Variants in CACNB4 observed in about 807,000 individuals in gnomAD.
The protein encoded by CACNB4 is calcium voltage-gated channel auxiliary subunit beta 4, also known as voltage-dependent L-type calcium channel subunit beta-4.
A neutral mutation model predicts 71.2 loss-of-function variants in CACNB4; 32 were observed. The observed-to-expected ratio is 0.45, with a 90% CI of 0.34 to 0.60. CACNB4 has a LOEUF of 0.60. Ranked by LOEUF, CACNB4 falls within the 20% of genes least tolerant of loss-of-function variation. The pLI, the probability that CACNB4 is intolerant of heterozygous loss-of-function variation, is 0.01. For missense variants in CACNB4, 464 were observed against 647.9 expected (o/e 0.72, Z 3.08); for synonymous variants, 231 against 236.9 (o/e 0.97, Z 0.23).
At chr2:152,054,835 CTTT>C (rs912555783) in intron 2 of CACNB4, among the ~76,000 whole-genome samples, 9 of 152,004 alleles carry the variant, frequency 5.9e-5, no homozygotes, top group Admixed American at 4.6e-4. Flanking sequence ...ATACGGAGCA[CTTT>C]TTTTTATGTG....
At chr2:152,026,133 TA>T (rs1683955931) in intron 2 of CACNB4, among the ~76,000 whole-genome samples, 2 of 152,120 alleles carry the variant, frequency 1.3e-5, no homozygotes, top group South Asian at 4.1e-4. Context: ...TCTCCCCTCT[TA>T]CCTGCAGTGG....
At position 151,841,923 on chromosome 2, in the gene CACNB4, T is replaced by C. The variant is rs774755797; in HGVS notation, c.1282A>G (p.Thr428Ala). Reference protein sequence around the residue: ...LGSTALSPYPTAISGLQSQRM... With the variant: ...LGSTALSPYPAAISGLQSQRM... ...AATACCTGTAACCCAGAAATTGCTGTGGGATATGGTGAGAGTGCCGTGGAG... is the reference window on the plus strand; with the variant it reads ...AATACCTGTAACCCAGAAATTGCTGCGGGATATGGTGAGAGTGCCGTGGAG... Residue 428 changes from threonine (T) to alanine (A), a missense_variant, in exon 13 of 14, where the codon ACA becomes GCA. Thr to Ala is a moderately conservative substitution (Grantham distance 58). Coordinates refer to ENST00000539935, the MANE Select transcript of CACNB4 (RefSeq NM_000726.5). 1.9e-6 allele frequency: 3 copies of C among 1,613,690 alleles called. No individual in the cohort carries two copies. In the Admixed American group the frequency reaches 5.0e-5, roughly 27 times the overall value.
At chr2:152,052,098 T>C (rs1056850325) in intron 2 of CACNB4, among the ~76,000 whole-genome samples, 4 of 138,440 alleles carry the variant, frequency 2.9e-5, no homozygotes, top group African/African-American at 1.4e-4. Context: ...GAAAATACCA[T>C]AAATTGAAAT....
At chr2:151,950,580 TCAG>T (rs1238700251) in intron 2 of CACNB4, among the ~76,000 whole-genome samples, 1 of 152,218 alleles carries the variant, frequency 6.6e-6, no homozygotes, top group Non-Finnish European at 1.5e-5. Context: ...TAGATGCTCA[TCAG>T]CAGATGAATG....
Position 152,098,483 on chromosome 2 carries a change from C to G in CACNB4, c.64-70G>C, listed in dbSNP as rs771099649. 3 of 1,451,896 alleles carry G rather than the reference C, an allele frequency of 2.1e-6. No individual in the cohort carries two copies. Among genetic ancestry groups the G allele is most frequent in the Non-Finnish European group, 2.9e-6 (3 of 1,033,944 alleles). 89.9% of individuals were successfully genotyped at this position (1,451,896 alleles called of 1,614,324 possible). A position where few individuals can be genotyped will look rare whatever the true frequency, so the allele number is the denominator to read the frequency against. On this transcript the variant is annotated intron_variant, in intron 1 of 13. Coordinates refer to ENST00000539935, the MANE Select transcript of CACNB4 (RefSeq NM_000726.5). This position sits in a 1 kb window ranked among gnomAD's most constrained non-coding sequence, Gnocchi z 5.3. ...CAGCGCAGAGCGGGGCGACCACCCC[C>G]GGCTGGAGTCCGCCTCCGGACCCGC...
At chr2:151,965,351 T>A (rs978847808) in intron 2 of CACNB4, among the ~76,000 whole-genome samples, 1 of 152,188 alleles carries the variant, frequency 6.6e-6, no homozygotes, top group Non-Finnish European at 1.5e-5. Flanking sequence ...CACTTTATCA[T>A]AGAGGGAACT....
intron 2 of CACNB4, among the ~76,000 whole-genome samples, chr2:151,966,517 G>A (rs1335474751): frequency 1.3e-5 from 2 of 152,014 alleles, no homozygotes; most frequent in South Asian, 2.1e-4. Flanking sequence ...CTGACCTCAC[G>A]ATCCACCCAC....
chr2:152,063,193 T>G (rs1579226044), intron 2 of CACNB4, among the ~76,000 whole-genome samples: 1 of 152,166 alleles, frequency 6.6e-6, no homozygotes, highest in Admixed American at 6.5e-5. Context: ...ACAGTGTAAA[T>G]TTAGTTATTC....
At chr2:151,944,448 T>C (rs1037382841) in intron 2 of CACNB4, among the ~76,000 whole-genome samples, 2 of 152,110 alleles carry the variant, frequency 1.3e-5, no homozygotes, top group African/African-American at 4.8e-5. Context: ...GGGTCTGATC[T>C]GGAAGAAAAA....
At chr2:152,004,385 T>C (rs746022568) in intron 2 of CACNB4, among the ~76,000 whole-genome samples, 5 of 152,128 alleles carry the variant, frequency 3.3e-5, no homozygotes, top group Admixed American at 2.0e-4. Flanking sequence ...TGCAACTTAA[T>C]TTAGCATATA....
chr2:151,981,788 TATAG>T (rs1429180688), intron 2 of CACNB4, among the ~76,000 whole-genome samples: 2 of 152,250 alleles, frequency 1.3e-5, no homozygotes, highest in East Asian at 3.9e-4. Context: ...GCTGGTATAA[TATAG>T]ATAATCTTCA....
chr2:151,925,696 G>T lies in CACNB4; in HGVS notation c.148-42326C>A, dbSNP rs1004453530. 2.0e-5 allele frequency among the ~76,000 whole-genome samples: 3 copies of T among 151,762 alleles called. 1 individual carries two copies. The South Asian group carries it at 6.3e-4, about 32-fold the overall frequency. On this transcript the variant is annotated intron_variant, in intron 2 of 13. Coordinates refer to ENST00000539935, the MANE Select transcript of CACNB4 (RefSeq NM_000726.5). ...AGGGATAGAAAAGAGGAGCAGGGAG[G>T]GGGTGGGGAGGGTGGGGAGGCTAGG... is the stretch of plus-strand genomic sequence containing the variant.
chr2:152,030,644 G>A (rs996157554), intron 2 of CACNB4, among the ~76,000 whole-genome samples: 2 of 152,076 alleles, frequency 1.3e-5, no homozygotes, highest in Non-Finnish European at 2.9e-5. Context: ...TCCCCTTCCT[G>A]TGTCCAAGTG....
intron 2 of CACNB4, among the ~76,000 whole-genome samples, chr2:152,063,673 A>G (rs1360262605): frequency 6.6e-6 from 1 of 152,210 alleles, no homozygotes; most frequent in South Asian, 2.1e-4. Context: ...GACCAAAGCA[A>G]ACAACTTAAA....
chr2:152,094,224 A>AC, intron 2 of CACNB4, among the ~76,000 whole-genome samples: 1 of 152,262 alleles, frequency 6.6e-6, no homozygotes. Context: ...TGAAGACTAA[A>AC]CCCCCAGATC....
In CACNB4 at chr2:151,853,479, A is replaced by G; in HGVS notation, c.1085T>C (p.Val362Ala). The G allele has an allele frequency of 1.3e-6, 2 of 1,599,010 alleles. No individual in the cohort carries two copies. Among genetic ancestry groups the G allele is most frequent in the Non-Finnish European group, 1.7e-6 (2 of 1,173,194 alleles). Residue 362 changes from valine (V) to alanine (A), a missense_variant, in exon 12 of 14, where the codon GTG becomes GCG. By Grantham distance (64) the Val-to-Ala change is moderately conservative. This residue lies in a region of CACNB4 where 299 missense variants were observed against 471.7 expected (regional missense o/e 0.63). Coordinates refer to ENST00000539935, the MANE Select transcript of CACNB4 (RefSeq NM_000726.5). ...SQSKHLNVQL[V>A]AADKLAQCPP... ...GCATTGTGCAAGTTTATCAGCTGCC[A>G]CCAGTTGAACATTCAAGTGTTTACT...
chr2:151,893,180 A>G (rs1368072002), intron 2 of CACNB4, among the ~76,000 whole-genome samples: 1 of 152,128 alleles, frequency 6.6e-6, no homozygotes, highest in African/African-American at 2.4e-5. Flanking sequence ...GAAAAGAATG[A>G]TTATCCAGTT....
At chr2:152,053,522 A>T (rs888182428) in intron 2 of CACNB4, among the ~76,000 whole-genome samples, 10 of 137,926 alleles carry the variant, frequency 7.3e-5, no homozygotes, top group Admixed American at 2.2e-4. Context: ...TGCTCTAGGA[A>T]TTTTTTTTTT....
At chr2:152,059,017 C>T (rs189489496) in intron 2 of CACNB4, among the ~76,000 whole-genome samples, 1 of 152,362 alleles carries the variant, frequency 6.6e-6, no homozygotes, top group Non-Finnish European at 1.5e-5. Context: ...GGTGTTTGTC[C>T]TGTGGCTGTG....
Sources: gnomAD v4.1 joint callset for allele counts (sites outside exome capture counted in the v4.1 genomes callset) on GRCh38, gnomAD v4.1.1 for gene constraint, gnomAD v4.1.1 regional missense constraint, Gnocchi (gnomAD v3.1) non-coding constraint, MANE v1.5 for transcripts, NCBI Gene and HGNC (gene_info 2026-07-23, HGNC 2026-07-21) for gene names.